The following GRM8 variants were observed in gnomAD, a reference collection of about 807,000 sequenced individuals.
The protein encoded by GRM8 is metabotropic glutamate receptor 8.
A neutral mutation model predicts 87.2 loss-of-function variants in GRM8; 47 were observed. The observed-to-expected ratio is 0.54, with a 90% CI of 0.43 to 0.69. The LOEUF (loss-of-function observed/expected upper bound fraction) is 0.69. GRM8 is among the 30% of genes least tolerant of loss of function. GRM8 has a pLI of 0.00. For missense variants in GRM8, 1,019 were observed against 1,139.2 expected (o/e 0.89, Z 1.52); for synonymous variants, 396 against 404.5 (o/e 0.98, Z 0.25).
intron 8 of GRM8, among the ~76,000 whole-genome samples, chr7:126,569,496 G>C (rs760123613): frequency 5.3e-4 from 81 of 152,142 alleles, no homozygotes; most frequent in Middle Eastern, 3.2e-3. Flanking sequence ...ACGACACTTT[G>C]TGTCCACATC....
intron 7 of GRM8, among the ~76,000 whole-genome samples, chr7:126,612,204 T>C (rs1798988813): frequency 6.6e-6 from 1 of 152,222 alleles, no homozygotes; most frequent in Admixed American, 6.5e-5. Context: ...TTTGTTGTTT[T>C]GTGGAAATGT....
At chr7:127,060,462 C>T (rs1586885215) in intron 3 of GRM8, among the ~76,000 whole-genome samples, 1 of 151,922 alleles carries the variant, frequency 6.6e-6, no homozygotes, top group East Asian at 1.9e-4. Context: ...TCCTTTTTCA[C>T]TGATAGTTTA....
intron 3 of GRM8, among the ~76,000 whole-genome samples, chr7:127,021,972 T>G (rs1816317153): frequency 6.6e-6 from 1 of 152,072 alleles, no homozygotes. Flanking sequence ...AAACAATATG[T>G]CATCCAAACC....
chr7:126,440,671 T>C (rs549372724), intron 10 of GRM8, among the ~76,000 whole-genome samples: 2 of 152,228 alleles, frequency 1.3e-5, no homozygotes, highest in South Asian at 4.1e-4. Context: ...AGTAACATGC[T>C]GTACAGGTTT....
intron 3 of GRM8, among the ~76,000 whole-genome samples, chr7:126,951,075 A>G (rs908152965): frequency 3.3e-5 from 5 of 152,128 alleles, no homozygotes; most frequent in African/African-American, 1.2e-4. Flanking sequence ...TGCTGTAAAA[A>G]AGATTAATGA....
chr7:127,215,837 G>T (rs991245708), intron 2 of GRM8, among the ~76,000 whole-genome samples: 6 of 152,098 alleles, frequency 3.9e-5, no homozygotes, highest in African/African-American at 7.2e-5. Context: ...CTTTGGAGAG[G>T]TCCTACTCTG....
At chr7:126,480,478 A>G (rs1283547586) in intron 9 of GRM8, among the ~76,000 whole-genome samples, 2 of 152,130 alleles carry the variant, frequency 1.3e-5, no homozygotes, top group East Asian at 3.9e-4. Flanking sequence ...CAAAAACTAT[A>G]ATTGGTAAAT....
chr7:126,654,503 G>A lies in GRM8; in HGVS notation c.1358-45005C>T, dbSNP rs1367259535. Among the ~76,000 whole-genome samples the A allele has an allele frequency of 2.0e-5, 3 of 152,196 alleles. No individual in the cohort carries two copies. The East Asian group carries it at 5.8e-4, about 29-fold the overall frequency. On this transcript the variant is annotated intron_variant, in intron 7 of 10. Transcript: ENST00000339582. ...AGCGACAACATTTGCAAAGGACAATGTAAGGTTCATTTTCTTCTAGCCCGA... is the reference window on the plus strand; with the variant it reads ...AGCGACAACATTTGCAAAGGACAATATAAGGTTCATTTTCTTCTAGCCCGA...
At chr7:126,786,581 C>T (rs1025734443) in intron 6 of GRM8, among the ~76,000 whole-genome samples, 1 of 152,112 alleles carries the variant, frequency 6.6e-6, no homozygotes, top group Admixed American at 6.6e-5. Flanking sequence ...AGTGAGGGGT[C>T]ATTTCCACTG....
intron 10 of GRM8, among the ~76,000 whole-genome samples, chr7:126,440,410 C>CA (rs35828454): frequency 0.71 from 53,904 of 75,518 alleles, 19,100 homozygotes; most frequent in African/African-American, 0.8. Flanking sequence ...GACTCCATCT[C>CA]AAAAAAAAAA....
At chr7:126,632,668 G>A (rs1420209971) in intron 7 of GRM8, among the ~76,000 whole-genome samples, 1 of 152,140 alleles carries the variant, frequency 6.6e-6, no homozygotes, top group Non-Finnish European at 1.5e-5. Flanking sequence ...TAAAGAAAAT[G>A]TGGTACATAT....
intron 3 of GRM8, among the ~76,000 whole-genome samples, chr7:126,933,200 C>T (rs906223832): frequency 6.6e-6 from 1 of 152,208 alleles, no homozygotes; most frequent in Non-Finnish European, 1.5e-5. Flanking sequence ...GACAGAAACA[C>T]ATTTATCTTC....
chr7:127,091,842 C>T (rs1310762328), intron 3 of GRM8, among the ~76,000 whole-genome samples: 8 of 110,652 alleles, frequency 7.2e-5, no homozygotes, highest in South Asian at 3.5e-4. Flanking sequence ...GGCGACCCCC[C>T]GGCCGTCCCG....
chr7:126,695,468 C>T (rs528862531), intron 7 of GRM8, among the ~76,000 whole-genome samples: 1 of 152,190 alleles, frequency 6.6e-6, no homozygotes, highest in South Asian at 2.1e-4. Context: ...CTAGCTGAAA[C>T]TGTAAACATC....
chr7:126,486,115 C>T (rs1214108544), intron 9 of GRM8, among the ~76,000 whole-genome samples: 1 of 151,944 alleles, frequency 6.6e-6, no homozygotes, highest in East Asian at 1.9e-4. Context: ...AGTTGAACCC[C>T]CCGTCCAACA....
rs36129145 is a variant in GRM8, at chr7:126,974,936, CAAAAAAAAAAAAAAA to C, written c.728-70268_728-70254del. Among the ~76,000 whole-genome samples, 459 of 59,638 alleles carry C rather than the reference CAAAAAAAAAAAAAAA, an allele frequency of 7.7e-3. 4 individuals are homozygous for C. The highest frequency in any genetic ancestry group is 0.035 in the East Asian group (64 of 1,834). The allele number at this position is 59,638 out of a possible 152,430, so 39.1% of individuals were successfully genotyped here. ...GGGTGACAGAGCGAGACTCTTGTCT[CAAAAAAAAAAAAAAA>C]AAAAAAAAAAAAAAAAACCACTAAC... is the stretch of plus-strand genomic sequence containing the variant. On this transcript the variant is annotated intron_variant, in intron 3 of 10. Coordinates refer to ENST00000339582, the MANE Select transcript of GRM8 (RefSeq NM_000845.3).
chr7:126,682,114 A>G (rs1807656826), intron 7 of GRM8, among the ~76,000 whole-genome samples: 1 of 152,224 alleles, frequency 6.6e-6, no homozygotes, highest in Non-Finnish European at 1.5e-5. Context: ...GAATTATGGT[A>G]CCTTTCTTAG....
intron 3 of GRM8, among the ~76,000 whole-genome samples, chr7:126,923,307 G>T (rs993916971): frequency 6.6e-6 from 1 of 152,130 alleles, no homozygotes; most frequent in Non-Finnish European, 1.5e-5. Flanking sequence ...AATCCATGTT[G>T]CCTGGGTTTA....
chr7:127,039,326 G>C (rs535710234), intron 3 of GRM8, among the ~76,000 whole-genome samples: 121 of 152,216 alleles, frequency 7.9e-4, no homozygotes, highest in Non-Finnish European at 1.5e-3. Flanking sequence ...CACAGACACA[G>C]AGAGAAGACC....
Sources: allele counts gnomAD v4.1 joint callset (sites outside exome capture counted in the v4.1 genomes callset), GRCh38; gene constraint gnomAD v4.1.1; transcripts MANE v1.5; gene names NCBI Gene and HGNC (gene_info 2026-07-23, HGNC 2026-07-21).